Variants in TBCA observed in about 807,000 individuals in gnomAD.
TBCA encodes the protein tubulin folding cofactor A, also known as tubulin-specific chaperone A.
A neutral mutation model predicts 15.8 loss-of-function variants in TBCA; 6 were observed. That is an observed-to-expected ratio of 0.38 (90% CI 0.21 to 0.75). The LOEUF (loss-of-function observed/expected upper bound fraction) is 0.75, where lower values mean the gene tolerates loss of function less well. Ranked by LOEUF, TBCA falls within the 30% of genes least tolerant of loss-of-function variation. The probability of loss-of-function intolerance (pLI) is 0.46; values close to 1 mark genes in which losing one functional copy is unlikely to be tolerated. For missense variants in TBCA, 90 were observed against 131.2 expected (o/e 0.69, Z 1.53); for synonymous variants, 32 against 42.3 (o/e 0.76, Z 0.94).
intron 1 of TBCA, among the ~76,000 whole-genome samples, chr5:77,775,733 C>T (rs1158344657): frequency 6.6e-6 from 1 of 152,194 alleles, no homozygotes; most frequent in Admixed American, 6.5e-5. Flanking sequence ...GGCTCCACTA[C>T]GGTCTTTTTT....
intron 1 of TBCA, among the ~76,000 whole-genome samples, chr5:77,721,726 A>C (rs192390593): frequency 6.5e-4 from 99 of 152,262 alleles, no homozygotes; most frequent in African/African-American, 2.3e-3. Context: ...ACACAATTTT[A>C]ACAGCTAGGA....
intron 1 of TBCA, among the ~76,000 whole-genome samples, chr5:77,738,526 A>G (rs774443863): frequency 2.0e-5 from 3 of 152,246 alleles, no homozygotes; most frequent in Non-Finnish European, 4.4e-5. Flanking sequence ...TGGCCTGCCC[A>G]CTAGGCTATG....
chr5:77,763,196 A>AC (rs1747686523), intron 1 of TBCA, among the ~76,000 whole-genome samples: 5 of 152,252 alleles, frequency 3.3e-5, no homozygotes, highest in Admixed American at 3.3e-4. Flanking sequence ...GTGAGTCGAG[A>AC]TTGCGCCACT....
At chr5:77,711,344 T>A (rs1412807991) in intron 1 of TBCA, among the ~76,000 whole-genome samples, 1 of 152,080 alleles carries the variant, frequency 6.6e-6, no homozygotes, top group African/African-American at 2.4e-5. Flanking sequence ...CAAAAAAGGG[T>A]TGCTGACCCC....
At position 77,776,142 on chromosome 5, in the gene TBCA, A is replaced by C. The variant is rs1748021218; in HGVS notation, c.53+63T>G. ...GCCTCCTCGGGCCTGCGCTCCGCTC[A>C]GCCTCGCGGGCCGCCATGAGGTGAC... On this transcript the variant is annotated intron_variant, in intron 1 of 3. Transcript: ENST00000380377. The C allele has an allele frequency of 3.9e-6, 6 of 1,543,372 alleles. No homozygotes were observed. In the South Asian group the frequency reaches 7.2e-5, roughly 18 times the overall value.
chr5:77,702,483 T>C (rs939000519), intron 2 of TBCA, among the ~76,000 whole-genome samples: 1 of 152,164 alleles, frequency 6.6e-6, no homozygotes, highest in Non-Finnish European at 1.5e-5. Flanking sequence ...GCAGTGTAAT[T>C]ATTTAGGGTT....
At chr5:77,704,250 G>A (rs1746093098) in intron 2 of TBCA, among the ~76,000 whole-genome samples, 5 of 152,112 alleles carry the variant, frequency 3.3e-5, no homozygotes, top group South Asian at 4.1e-4. Flanking sequence ...GATTACAGAC[G>A]TGAGCCACTG....
chr5:77,752,959 C>T (rs148591547), intron 1 of TBCA, among the ~76,000 whole-genome samples: 5 of 152,214 alleles, frequency 3.3e-5, no homozygotes, highest in African/African-American at 7.2e-5. Flanking sequence ...TCTCAAAGTG[C>T]GGGGATTACA....
At chr5:77,771,947 T>C (rs1315000975) in intron 1 of TBCA, among the ~76,000 whole-genome samples, 2 of 152,196 alleles carry the variant, frequency 1.3e-5, no homozygotes, top group Non-Finnish European at 2.9e-5. Flanking sequence ...GAATAATGAC[T>C]TTAAACCTCT....
chr5:77,765,413 A>G (rs565670837), intron 1 of TBCA, among the ~76,000 whole-genome samples: 46 of 152,340 alleles, frequency 3.0e-4, no homozygotes, highest in African/African-American at 1.1e-3. Context: ...GTACTATCAT[A>G]GTGAAAACTA....
intron 1 of TBCA, among the ~76,000 whole-genome samples, chr5:77,758,721 AGTGT>A (rs1434755268): frequency 6.6e-6 from 1 of 151,370 alleles, no homozygotes; most frequent in Non-Finnish European, 1.5e-5. Context: ...GAGCATGCAC[AGTGT>A]GTTTAGGAAG....
At chr5:77,701,813 G>A (rs1013667774) in intron 2 of TBCA, among the ~76,000 whole-genome samples, 1 of 148,550 alleles carries the variant, frequency 6.7e-6, no homozygotes, top group Non-Finnish European at 1.5e-5. Context: ...TCTAAGTGAG[G>A]TAACTCAGTA....
chr5:77,697,053 T>G (rs535027126), intron 2 of TBCA, among the ~76,000 whole-genome samples: 1 of 152,300 alleles, frequency 6.6e-6, no homozygotes, highest in African/African-American at 2.4e-5. Flanking sequence ...TACAGTGATC[T>G]TAGATGTGCA....
intron 1 of TBCA, among the ~76,000 whole-genome samples, chr5:77,711,904 TA>T (rs1368975736): frequency 6.6e-6 from 1 of 151,848 alleles, no homozygotes. Context: ...CGTTTTTGCT[TA>T]AAAAGTCATA....
At chr5:77,707,297 A>C (rs1746172928) in intron 2 of TBCA, among the ~76,000 whole-genome samples, 1 of 152,142 alleles carries the variant, frequency 6.6e-6, no homozygotes, top group South Asian at 2.1e-4. Context: ...AGGAATTATG[A>C]AGCAAGTGTC....
At chr5:77,764,603 G>A (rs1485175270) in intron 1 of TBCA, among the ~76,000 whole-genome samples, 2 of 152,154 alleles carry the variant, frequency 1.3e-5, no homozygotes, top group South Asian at 2.1e-4. Context: ...AGTGTGATTC[G>A]ATGAAGCAAG....
chr5:77,692,009 C>A, intron 3 of TBCA: 1 of 985,124 alleles, frequency 1.0e-6, no homozygotes, highest in Non-Finnish European at 1.2e-6. Flanking sequence ...ACATACCCTA[C>A]ACTAAAGGAA....
At chr5:77,722,481 A>G (rs1351114648) in intron 1 of TBCA, among the ~76,000 whole-genome samples, 1 of 152,048 alleles carries the variant, frequency 6.6e-6, no homozygotes, top group Non-Finnish European at 1.5e-5. Flanking sequence ...TTTTGGAAAT[A>G]CCAAATTCCA....
At position 77,761,100 on chromosome 5, in the gene TBCA, T is replaced by C. The variant is rs1747620556; in HGVS notation, c.53+15105A>G. On this transcript the variant is annotated intron_variant, in intron 1 of 3. Transcript: ENST00000380377. ...ACTGTGCAATCCTCCAAGTGTGAAGTGACAGCCTTTCTGCAGGTGTACCCA... is the reference window on the plus strand; with the variant it reads ...ACTGTGCAATCCTCCAAGTGTGAAGCGACAGCCTTTCTGCAGGTGTACCCA... 2.6e-5 allele frequency among the ~76,000 whole-genome samples: 4 copies of C among 151,978 alleles called. No individual in the cohort carries two copies. The South Asian group carries it at 8.3e-4, about 32-fold the overall frequency.
Sources: gnomAD v4.1 joint callset for allele counts (sites outside exome capture counted in the v4.1 genomes callset) on GRCh38, gnomAD v4.1.1 for gene constraint, MANE v1.5 for transcripts, NCBI Gene and HGNC (gene_info 2026-07-23, HGNC 2026-07-21) for gene names.